Variants in MCC observed in about 807,000 individuals in gnomAD.
MCC encodes colorectal mutant cancer protein.
MCC carries 90 observed loss-of-function variants against 116.2 expected under a neutral mutation model. The observed-to-expected ratio is 0.77, with a 90% confidence interval of 0.65 to 0.92. The LOEUF (loss-of-function observed/expected upper bound fraction) is 0.92. Ranked by LOEUF, MCC falls within the 40% of genes least tolerant of loss-of-function variation. The probability of loss-of-function intolerance (pLI) is 0.00; values close to 1 mark genes in which losing one functional copy is unlikely to be tolerated. For synonymous variants in MCC, 578 were observed against 510.5 expected (o/e 1.13, Z -1.78); for missense variants, 1,516 against 1,312.2 (o/e 1.16, Z -2.40).
At chr5:113,364,238 G>GAAAAAAAAAAAAAAAAAAAAACAAA (rs1768626337) in intron 2 of MCC, among the ~76,000 whole-genome samples, 4 of 49,422 alleles carry the variant, frequency 8.1e-5, no homozygotes, top group African/African-American at 2.2e-4. Flanking sequence ...CTCAAAAACA[G>GAAAAAAAAAAAAAAAAAAAAACAAA]AAAAAAAAAA....
chr5:113,392,224 A>T (rs1769420247), intron 1 of MCC, among the ~76,000 whole-genome samples: 1 of 152,148 alleles, frequency 6.6e-6, no homozygotes, highest in South Asian at 2.1e-4. Flanking sequence ...TGGGCAACAA[A>T]GTGAGACCCC....
intron 2 of MCC, among the ~76,000 whole-genome samples, chr5:113,358,728 C>T (rs1256000966): frequency 6.6e-6 from 1 of 152,136 alleles, no homozygotes; most frequent in Non-Finnish European, 1.5e-5. Context: ...AAATTGGCTG[C>T]CAGGTGTCAG....
chr5:113,449,445 G>C (rs551926855), intron 1 of MCC, among the ~76,000 whole-genome samples: 5 of 152,288 alleles, frequency 3.3e-5, no homozygotes, highest in African/African-American at 7.2e-5. Context: ...AGCTGAGAAA[G>C]GGTGCATTCA....
chr5:113,069,570 C>T (rs1185388663), intron 12 of MCC, among the ~76,000 whole-genome samples: 3 of 152,164 alleles, frequency 2.0e-5, no homozygotes, highest in Non-Finnish European at 4.4e-5. Flanking sequence ...CTTTGATTGC[C>T]TTTCTTTTTT....
rs2150204789 is a variant in MCC at position 113,027,370 on chromosome 5, G to A, written c.2992C>T (p.Leu998Phe). The A allele has an allele frequency of 6.2e-7, 1 of 1,614,208 alleles. No homozygotes were observed. The highest frequency in any genetic ancestry group is 8.5e-7 in the Non-Finnish European group (1 of 1,180,038). Residue 998 changes from leucine (L) to phenylalanine (F), a missense_variant, in exon 19 of 19, where the codon CTC (leucine) becomes TTC (phenylalanine). Transcript: ENST00000408903. Reference sequence around the variant, plus strand: ...TCTAGCAGAGCTATTCTTTGCTTGAGCATCCTCACTTGGGTCTCATGTCTC... The same window carrying A: ...TCTAGCAGAGCTATTCTTTGCTTGAACATCCTCACTTGGGTCTCATGTCTC... Reference protein sequence around the residue: ...VERHETQVRMLKQRIALLEEE... With the variant: ...VERHETQVRMFKQRIALLEEE...
At chr5:113,352,371 C>T (rs986099232) in intron 2 of MCC, among the ~76,000 whole-genome samples, 5 of 152,054 alleles carry the variant, frequency 3.3e-5, no homozygotes, top group Admixed American at 6.6e-5. Context: ...CAAATTGGTT[C>T]CTGTGCTCCA....
intron 1 of MCC, among the ~76,000 whole-genome samples, chr5:113,442,346 G>T (rs1441197193): frequency 6.6e-6 from 1 of 151,996 alleles, no homozygotes; most frequent in Non-Finnish European, 1.5e-5. Flanking sequence ...TTTTGATGGG[G>T]TTGTTTTTTT....
intron 2 of MCC, among the ~76,000 whole-genome samples, chr5:113,356,289 G>A (rs1485523655): frequency 2.0e-5 from 3 of 150,864 alleles, no homozygotes; most frequent in Admixed American, 6.6e-5. Context: ...CTCGTGCCTC[G>A]ACCTCCCAAA....
intron 3 of MCC, among the ~76,000 whole-genome samples, chr5:113,152,306 G>T (rs555022341): frequency 6.6e-6 from 1 of 152,120 alleles, no homozygotes; most frequent in Non-Finnish European, 1.5e-5. Flanking sequence ...TCAGGCCGAC[G>T]GATGGAACTA....
chr5:113,138,211 G>A (rs1241261642), intron 5 of MCC, among the ~76,000 whole-genome samples: 3 of 151,960 alleles, frequency 2.0e-5, no homozygotes, highest in Non-Finnish European at 4.4e-5. Context: ...AGAGAGGGGT[G>A]TGTTGGCTAG....
rs541537421 is a variant in MCC, at chr5:113,376,135, T to G, written c.415+8833A>C. ...TTGATCTTTAACTCATTACTTGGAC[T>G]GATTTTCTCTTTAAAAGTTGCTCAG... On this transcript the variant is annotated intron_variant, in intron 2 of 18. Coordinates refer to ENST00000408903, the MANE Select transcript of MCC (RefSeq NM_001085377.2). Among the ~76,000 whole-genome samples the G allele has an allele frequency of 4.6e-5, 7 of 152,350 alleles. No homozygotes were observed. The East Asian group carries it at 1.3e-3, about 29-fold the overall frequency.
At chr5:113,203,494 ACT>A (rs971184984) in intron 3 of MCC, among the ~76,000 whole-genome samples, 14 of 151,742 alleles carry the variant, frequency 9.2e-5, no homozygotes, top group Non-Finnish European at 2.1e-4. Context: ...AGACCAGATT[ACT>A]CTGTCTCACA....
chr5:113,190,313 C>T (rs989010756), intron 3 of MCC, among the ~76,000 whole-genome samples: 1 of 152,076 alleles, frequency 6.6e-6, no homozygotes, highest in Admixed American at 6.5e-5. Flanking sequence ...AAAGGTCTAC[C>T]GGAAAGGATG....
chr5:113,242,740 C>G (rs1241719160), intron 3 of MCC, among the ~76,000 whole-genome samples: 1 of 152,068 alleles, frequency 6.6e-6, no homozygotes, highest in Non-Finnish European at 1.5e-5. Flanking sequence ...GACCATGCAC[C>G]ACAGAGAAAT....
At chr5:113,207,855 C>T (rs1294250828) in intron 3 of MCC, among the ~76,000 whole-genome samples, 1 of 152,170 alleles carries the variant, frequency 6.6e-6, no homozygotes, top group Non-Finnish European at 1.5e-5. Flanking sequence ...AAAAGTCCTT[C>T]CCCTGGAGGC....
Position 113,043,590 on chromosome 5 carries a change from T to A in MCC, c.2696A>T (p.Glu899Val). The A allele has an allele frequency of 6.2e-7, 1 of 1,614,198 alleles. No individual in the cohort carries two copies. The highest frequency in any genetic ancestry group is 8.5e-7 in the Non-Finnish European group (1 of 1,180,018). Reference protein sequence around the residue: ...DAASPALSLAELRTTCSENEL... With the variant: ...DAASPALSLAVLRTTCSENEL... ...ATTCTCGCTGCACGTTGTCCTGAGTTCGGCTAGGGACAGAGCTGGGGAGGC... is the reference window on the plus strand; with the variant it reads ...ATTCTCGCTGCACGTTGTCCTGAGTACGGCTAGGGACAGAGCTGGGGAGGC... The change falls in exon 17 of 19, where the codon GAA (glutamate) becomes GTA (valine). Residue 899 changes from glutamate to valine, a missense_variant. By Grantham distance (121) the Glu-to-Val change is moderately radical (BLOSUM62 -2). Coordinates refer to ENST00000408903, the MANE Select transcript of MCC (RefSeq NM_001085377.2).
intron 3 of MCC, among the ~76,000 whole-genome samples, chr5:113,261,863 C>T (rs1472323250): frequency 6.6e-6 from 1 of 152,104 alleles, no homozygotes; most frequent in African/African-American, 2.4e-5. Flanking sequence ...TAATCACTTT[C>T]TTATATTACT....
intron 8 of MCC, 198 bp downstream of exon 8, chr5:113,101,540 CT>C (rs909640150): frequency 0.039 from 17,090 of 436,712 alleles, no homozygotes; most frequent in South Asian, 0.052. Context: ...AAAGTGTTTG[CT>C]TTTTTTTTTT....
intron 3 of MCC, among the ~76,000 whole-genome samples, chr5:113,265,763 G>C (rs902536081): frequency 6.6e-6 from 1 of 151,886 alleles, no homozygotes; most frequent in Non-Finnish European, 1.5e-5. Context: ...TAGTTCATAC[G>C]TCACCAGGAT....
Sources: gnomAD v4.1 joint callset for allele counts (sites outside exome capture counted in the v4.1 genomes callset) on GRCh38, gnomAD v4.1.1 for gene constraint, MANE v1.5 for transcripts, NCBI Gene and HGNC (gene_info 2026-07-23, HGNC 2026-07-21) for gene names.